The following DNMT1 variants were observed in gnomAD, a reference collection of about 807,000 sequenced individuals.
The protein encoded by DNMT1 is DNA methyltransferase 1.
A neutral mutation model predicts 205.3 loss-of-function variants in DNMT1; 24 were observed. That is an observed-to-expected ratio of 0.12 (90% CI 0.08 to 0.16). The LOEUF (loss-of-function observed/expected upper bound fraction) is 0.16, where lower values mean the gene tolerates loss of function less well. DNMT1 is among the 10% of genes least tolerant of loss of function. The probability of loss-of-function intolerance (pLI) is 1.00; values close to 1 mark genes in which losing one functional copy is unlikely to be tolerated. For missense variants in DNMT1, 1,293 were observed against 2,177.7 expected, an observed-to-expected ratio of 0.59 and a Z score of 8.09; for synonymous variants, 817 against 839.8, an observed-to-expected ratio of 0.97 and a Z score of 0.47.
chr19:10,188,443 G>A (rs1302174545), intron 1 of DNMT1, among the ~76,000 whole-genome samples: 5 of 151,976 alleles, frequency 3.3e-5, no homozygotes, highest in Non-Finnish European at 5.9e-5. Context: ...AAGAGGCTGA[G>A]GCACAAGAAT....
intron 9 of DNMT1, among the ~76,000 whole-genome samples, chr19:10,171,128 A>G (rs1306114262): frequency 6.6e-6 from 1 of 152,094 alleles, no homozygotes; most frequent in Non-Finnish European, 1.5e-5. Flanking sequence ...TTATTAAAAA[A>G]CAAAACAAAC....
intron 22 of DNMT1, among the ~76,000 whole-genome samples, chr19:10,152,232 GAC>G (rs1371935398): frequency 1.2e-5 from 1 of 80,236 alleles, no homozygotes; most frequent in East Asian, 3.6e-4. Flanking sequence ...CTAACAATGA[GAC>G]AAATGATGCA....
At chr19:10,187,574 A>G (rs1599407649) in intron 1 of DNMT1, among the ~76,000 whole-genome samples, 2 of 151,476 alleles carry the variant, frequency 1.3e-5, no homozygotes, top group Admixed American at 1.3e-4. Context: ...TGTCTCTACG[A>G]GAAAACAGTA....
Position 10,139,874 on chromosome 19 carries a change from A to C in DNMT1, c.3807-57T>G, listed in dbSNP as rs1224190011. 3 of 1,557,890 alleles carry C rather than the reference A, an allele frequency of 1.9e-6. No individual in the cohort carries two copies. The East Asian group carries it at 7.2e-5, about 37-fold the overall frequency. ...CCTCCACAGACAGAGGGAAGAAACGACCCACTGTGCCGGAAGCCCCTCACG... is the reference window on the plus strand; with the variant it reads ...CCTCCACAGACAGAGGGAAGAAACGCCCCACTGTGCCGGAAGCCCCTCACG... On this transcript the variant is annotated intron_variant, in intron 33 of 40. Transcript: ENST00000359526.
chr19:10,186,834 G>A (rs1400070585), intron 1 of DNMT1, among the ~76,000 whole-genome samples: 3 of 71,774 alleles, frequency 4.2e-5, no homozygotes, highest in African/African-American at 8.9e-5. Context: ...GTGAAACTCC[G>A]TCTCAAAAAA....
intron 34 of DNMT1, 63 bp downstream of exon 34, chr19:10,139,613 C>T: frequency 2.5e-6 from 4 of 1,579,646 alleles, no homozygotes; most frequent in Non-Finnish European, 3.4e-6. Context: ...TAAGGGATGG[C>T]TGGCTGCTGG....
At chr19:10,194,711 T>C (rs1177270851) in intron 1 of DNMT1, 109 bp downstream of exon 1, 3 of 1,414,122 alleles carry the variant, frequency 2.1e-6, no homozygotes, top group East Asian at 2.9e-5. Context: ...ACCCCACGCA[T>C]GCGCGCCCGT....
Position 10,155,841 on chromosome 19 carries a change from C to T in DNMT1, c.1492+12G>A. 6.2e-7 allele frequency: 1 copy of T among 1,611,772 alleles called. No individual in the cohort carries two copies. Among genetic ancestry groups the T allele is most frequent in the Non-Finnish European group, 8.5e-7 (1 of 1,178,944 alleles). On this transcript the variant is annotated intron_variant, in intron 19 of 40. Coordinates refer to ENST00000359526, the MANE Select transcript of DNMT1 (RefSeq NM_001130823.3). Reference sequence around the variant, plus strand: ...CAGACCCCGGCCAGCCTATGATGGGCCACACACTTACAGGTGCTGAAGCCG... The same window carrying T: ...CAGACCCCGGCCAGCCTATGATGGGTCACACACTTACAGGTGCTGAAGCCG...
Position 10,138,377 on chromosome 19 carries a change from G to C in DNMT1, c.4115+62C>G, listed in dbSNP as rs372158548. 6.2e-7 allele frequency: 1 copy of C among 1,609,754 alleles called. No individual in the cohort carries two copies. The highest frequency in any genetic ancestry group is 1.1e-5 in the South Asian group (1 of 90,824). ...CCAAGCCTCACCAGGGAGTACTCAC[G>C]GGCCCCATGAGCTACTGAGGCCTGC... On this transcript the variant is annotated intron_variant, in intron 35 of 40. Coordinates refer to ENST00000359526, the MANE Select transcript of DNMT1 (RefSeq NM_001130823.3). This position sits in a 1 kb window ranked among gnomAD's most constrained non-coding sequence, Gnocchi z 4.1.
Position 10,137,128 on chromosome 19 carries a change from G to A in DNMT1, c.4446C>T (p.Arg1482=), listed in dbSNP as rs1392678564. 10 of 1,611,460 alleles carry A rather than the reference G, an allele frequency of 6.2e-6. No individual in the cohort carries two copies. The East Asian group carries it at 1.3e-4, about 22-fold the overall frequency. The change falls in exon 37 of 41, where the codon CGC becomes CGT. Residue 1482 remains arginine (R), a synonymous_variant. Coordinates refer to ENST00000359526, the MANE Select transcript of DNMT1 (RefSeq NM_001130823.3). This position sits in a 1 kb window ranked among gnomAD's most constrained non-coding sequence, Gnocchi z 6.4. ...CCCCACGGAGGGCCCCAGAGCTGCT[G>A]CGGCCGTTCTTCCTGTCATGGTGGG... ...RYTHHDRKNG[R]SSSGALRGVC...
At chr19:10,168,398 T>A (rs2038736950) in intron 9 of DNMT1, 34 bp from the exon 10 acceptor site, 1 of 1,611,792 alleles carries the variant, frequency 6.2e-7, no homozygotes, top group African/African-American at 1.3e-5. Flanking sequence ...AGTTAATTTT[T>A]TCCATTTGGT....
chr19:10,152,257 G>A (rs150185469), intron 22 of DNMT1, among the ~76,000 whole-genome samples: 85 of 138,534 alleles, frequency 6.1e-4, no homozygotes, highest in African/African-American at 2.1e-3. Flanking sequence ...AAGACTTTTA[G>A]GTCTCAAAAA....
At chr19:10,178,483 G>C (rs1048397982) in intron 5 of DNMT1, 1 of 152,272 alleles carries the variant, frequency 6.6e-6, no homozygotes, top group Non-Finnish European at 1.5e-5. Context: ...ATAAGGCTGG[G>C]CATGGTGGCT....
At chr19:10,147,973 G>A (rs7257298) in intron 27 of DNMT1, among the ~76,000 whole-genome samples, 52,908 of 150,858 alleles carry the variant, frequency 0.35, 9,986 homozygotes, top group Non-Finnish European at 0.43. Flanking sequence ...AAAAGTAGCC[G>A]GGCATGGTGG....
intron 1 of DNMT1, among the ~76,000 whole-genome samples, chr19:10,182,816 C>T (rs189620017): frequency 1.5e-3 from 231 of 150,912 alleles, no homozygotes; most frequent in Non-Finnish European, 2.9e-3. Context: ...ATTATAGGTG[C>T]CACCAGCCTC....
At chr19:10,144,771 A>T (rs764344238) in intron 28 of DNMT1, 2 of 151,934 alleles carry the variant, frequency 1.3e-5, no homozygotes, top group Non-Finnish European at 2.9e-5. Flanking sequence ...AGAGAGTTTC[A>T]CTCTGTCACC....
chr19:10,171,615 C>T (rs1299391756), intron 9 of DNMT1, among the ~76,000 whole-genome samples: 15 of 152,048 alleles, frequency 9.9e-5, no homozygotes, highest in African/African-American at 3.4e-4. Context: ...ACCATCCTGG[C>T]TAACGTGGTG....
At chr19:10,160,313 T>A in intron 14 of DNMT1, 71 bp downstream of exon 14, 2 of 1,605,654 alleles carry the variant, frequency 1.2e-6, no homozygotes, top group Non-Finnish European at 1.7e-6. Context: ...TGAAACCCCT[T>A]CCCTTTTGTT....
At position 10,163,351 on chromosome 19, in the gene DNMT1, T is replaced by C; in HGVS notation, c.901A>G (p.Lys301Glu). The C allele has an allele frequency of 6.2e-7, 1 of 1,613,978 alleles. No homozygotes were observed. Among genetic ancestry groups the C allele is most frequent in the Non-Finnish European group, 8.5e-7 (1 of 1,179,972 alleles). ...AGATCTTTGGGTTGACTTCTGTGCT[T>C]CTTCTCATCCTGACAGAAAAATAAG... Reference protein sequence around the residue: ...DEDGDEKDEKKHRSQPKDLAA... With the variant: ...DEDGDEKDEKEHRSQPKDLAA... Residue 301 changes from lysine to glutamate, a missense_variant, in exon 12 of 41, where the codon AAG becomes GAG. Coordinates refer to ENST00000359526, the MANE Select transcript of DNMT1 (RefSeq NM_001130823.3).
Sources: gnomAD v4.1 joint callset for allele counts (sites outside exome capture counted in the v4.1 genomes callset) on GRCh38, gnomAD v4.1.1 for gene constraint, Gnocchi (gnomAD v3.1) non-coding constraint, MANE v1.5 for transcripts, NCBI Gene and HGNC (gene_info 2026-07-23, HGNC 2026-07-21) for gene names.